The following STRBP variants were observed in gnomAD, a reference collection of about 807,000 sequenced individuals.
STRBP encodes spermatid perinuclear RNA binding protein.
Under a neutral mutation model 80.1 loss-of-function variants are expected in STRBP, and 13 were observed. The observed-to-expected ratio is 0.16, with a 90% CI of 0.11 to 0.26. STRBP has a LOEUF of 0.26. Among genes scored for constraint, STRBP ranks in the 10% least tolerant of loss-of-function variants. The pLI, the probability that STRBP is intolerant of heterozygous loss-of-function variation, is 1.00. For synonymous variants in STRBP, 284 were observed against 291.2 expected (o/e 0.98, Z 0.25); for missense variants, 485 against 815.2 (o/e 0.59, Z 4.93).
chr9:123,179,061 T>C lies in STRBP; in HGVS notation c.170A>G (p.Lys57Arg). The C allele has an allele frequency of 6.2e-7, 1 of 1,614,160 alleles. No homozygotes were observed. The highest frequency in any genetic ancestry group is 8.5e-7 in the Non-Finnish European group (1 of 1,180,020). Residue 57 changes from lysine (K) to arginine (R), a missense_variant, in exon 4 of 19, where the codon AAA becomes AGA. Lys to Arg is a conservative substitution (Grantham distance 26, BLOSUM62 2). Around this residue, in one of 3 missense-constraint regions of STRBP, gnomAD observed 377 missense variants for 616.1 expected, o/e 0.61. Coordinates refer to ENST00000348403, the MANE Select transcript of STRBP (RefSeq NM_018387.5). ...CTTCACTTCTGTCTCACCCTCTGTTTTTGTGCCTTTATTTGTTTCATCCAA... is the reference window on the plus strand; with the variant it reads ...CTTCACTTCTGTCTCACCCTCTGTTCTTGTGCCTTTATTTGTTTCATCCAA... ...DWLDETNKGTKTEGETEVKKD... is the reference protein window; with the variant it reads ...DWLDETNKGTRTEGETEVKKD...
rs995893376 is a variant in STRBP, at chr9:123,147,690, A to C, written c.1138+88T>G. 38 of 1,129,726 alleles carry C rather than the reference A, an allele frequency of 3.4e-5. No individual in the cohort carries two copies. In the South Asian group the frequency reaches 3.7e-4, roughly 11 times the overall value. The allele number at this position is 1,129,726 out of a possible 1,614,324, so 70.0% of individuals were successfully genotyped here. Reference sequence around the variant, plus strand: ...GAGAACCGATCTCAAAAAAAAAAAAAAAAAAAAAACCCTTCACTTTTAATT... The same window carrying C: ...GAGAACCGATCTCAAAAAAAAAAAACAAAAAAAAACCCTTCACTTTTAATT... On this transcript the variant is annotated intron_variant, in intron 12 of 18. Coordinates refer to ENST00000348403, the MANE Select transcript of STRBP (RefSeq NM_018387.5).
At chr9:123,166,494 G>A (rs1324611005) in intron 6 of STRBP, among the ~76,000 whole-genome samples, 1 of 152,110 alleles carries the variant, frequency 6.6e-6, no homozygotes, top group African/African-American at 2.4e-5. Flanking sequence ...AGGGGCACTG[G>A]CTCACACCTA....
At chr9:123,116,091 C>T (rs538582374) in exon 3 of STRBP, 17 of 456,172 alleles carry the variant, frequency 3.7e-5, no homozygotes, top group Middle Eastern at 3.3e-4. Context: ...ATTCCTTTAA[C>T]GTAGCCTCTG....
At chr9:123,190,590 G>A (rs986739706) in intron 2 of STRBP, among the ~76,000 whole-genome samples, 5 of 152,242 alleles carry the variant, frequency 3.3e-5, no homozygotes, top group Admixed American at 1.3e-4. Context: ...CTATAACGAT[G>A]GAAAAGCTCT....
intron 2 of STRBP, among the ~76,000 whole-genome samples, chr9:123,194,046 G>A (rs1453149911): frequency 6.6e-6 from 1 of 152,044 alleles, no homozygotes; most frequent in Non-Finnish European, 1.5e-5. Context: ...TGGGACCCTG[G>A]AATGCAAAAT....
chr9:123,159,302 A>G (rs2037423100), intron 8 of STRBP, 95 bp from the exon 9 acceptor site: 1 of 752,656 alleles, frequency 1.3e-6, no homozygotes, highest in African/African-American at 1.8e-5. Context: ...AAGGGAGGCC[A>G]AAGAGTGAAA....
In STRBP at chr9:123,124,181, C is replaced by T. The variant is rs1165358176; in HGVS notation, c.*1416G>A. 1.0e-6 allele frequency: 1 copy of T among 985,250 alleles called. No individual in the cohort carries two copies. Among genetic ancestry groups the T allele is most frequent in the Non-Finnish European group, 1.2e-6 (1 of 829,940 alleles). 61.0% of individuals were successfully genotyped at this position (985,250 alleles called of 1,614,324 possible). A position where few individuals can be genotyped will look rare whatever the true frequency, so the allele number is the denominator to read the frequency against. On this transcript the variant is annotated 3_prime_UTR_variant, in exon 19 of 19. Coordinates refer to ENST00000348403, the MANE Select transcript of STRBP (RefSeq NM_018387.5). ...TGTGAAGCCCATTCTCATGGATGGGCCCTGTCAAGTTCCCAAAAGCAGAAC... is the reference window on the plus strand; with the variant it reads ...TGTGAAGCCCATTCTCATGGATGGGTCCTGTCAAGTTCCCAAAAGCAGAAC...
chr9:123,183,360 C>T (rs2038567665), intron 3 of STRBP, among the ~76,000 whole-genome samples: 1 of 151,946 alleles, frequency 6.6e-6, no homozygotes, highest in Non-Finnish European at 1.5e-5. Flanking sequence ...TTGCTTGAAC[C>T]TGGGAGACGG....
downstream of STRBP, among the ~76,000 whole-genome samples, chr9:123,116,664 G>A (rs1397342297): frequency 6.6e-6 from 1 of 152,182 alleles, no homozygotes; most frequent in Non-Finnish European, 1.5e-5. Context: ...CAGGAAAGGT[G>A]AGCCGAACAC....
chr9:123,204,938 A>AAAAG (rs1242206357), intron 2 of STRBP, among the ~76,000 whole-genome samples: 3 of 149,542 alleles, frequency 2.0e-5, no homozygotes, highest in East Asian at 4.0e-4. Flanking sequence ...AAAAAAAAAA[A>AAAAG]AAAGAAAGAA....
exon 3 of STRBP, chr9:123,116,031 C>T (rs943684664): frequency 6.6e-6 from 3 of 456,142 alleles, no homozygotes; most frequent in African/African-American, 6.0e-5. Context: ...CCTGAGTTCC[C>T]CAGGTGCCAA....
At position 123,115,547 on chromosome 9, in the gene STRBP, C is replaced by T. The variant is rs1184757880; in HGVS notation, c.*84+382G>A. 8.3e-6 allele frequency: 3 copies of T among 361,378 alleles called. No homozygotes were observed. Among genetic ancestry groups the T allele is most frequent in the Non-Finnish European group, 1.7e-5 (3 of 178,478 alleles). 22.4% of individuals were successfully genotyped at this position (361,378 alleles called of 1,614,324 possible). A position where few individuals can be genotyped will look rare whatever the true frequency, so the allele number is the denominator to read the frequency against. ...ACCTTCTACTCAGTTGTCTAAGCTG[C>T]AGATTCTGACATTTTCTCCAACTGC... is the stretch of plus-strand genomic sequence containing the variant. On this transcript the variant is annotated intron_variant and NMD_transcript_variant, in intron 3 of 3. Transcript: ENST00000471564. This position sits in a 1 kb window ranked among gnomAD's most constrained non-coding sequence, Gnocchi z 5.0.
intron 2 of STRBP, among the ~76,000 whole-genome samples, chr9:123,211,690 G>A (rs2039714019): frequency 6.6e-6 from 1 of 151,978 alleles, no homozygotes; most frequent in African/African-American, 2.4e-5. Flanking sequence ...TTAAATTTAG[G>A]CCAAATCGGT....
chr9:123,140,431 T>G (rs1045294202), intron 13 of STRBP, among the ~76,000 whole-genome samples: 1 of 152,080 alleles, frequency 6.6e-6, no homozygotes, highest in Non-Finnish European at 1.5e-5. Context: ...CAGTCTCTAC[T>G]AAAGATACAA....
At chr9:123,207,282 A>C (rs2039551365) in intron 2 of STRBP, among the ~76,000 whole-genome samples, 1 of 152,200 alleles carries the variant, frequency 6.6e-6, no homozygotes, top group African/African-American at 2.4e-5. Flanking sequence ...AAATACTGGC[A>C]ATCTAAATGT....
intron 2 of STRBP, among the ~76,000 whole-genome samples, chr9:123,212,877 G>A (rs549239725): frequency 1.4e-4 from 21 of 152,166 alleles, no homozygotes; most frequent in Non-Finnish European, 2.9e-4. Flanking sequence ...CAGATAAAAG[G>A]GCCAGACTCA....
At chr9:123,112,082 C>G (rs982128369) in intron 3 of STRBP, 1 of 169,752 alleles carries the variant, frequency 5.9e-6, no homozygotes, top group African/African-American at 2.4e-5. Flanking sequence ...TCCCGCCTTT[C>G]CCCACACCTG....
At chr9:123,254,721 G>T (rs1345800822) in intron 1 of STRBP, among the ~76,000 whole-genome samples, 1 of 152,186 alleles carries the variant, frequency 6.6e-6, no homozygotes, top group African/African-American at 2.4e-5. Context: ...CACCTCCGGT[G>T]AGGTGAAAAA....
intron 13 of STRBP, among the ~76,000 whole-genome samples, chr9:123,142,897 A>G (rs1022704007): frequency 6.6e-6 from 1 of 152,228 alleles, no homozygotes; most frequent in African/African-American, 2.4e-5. Flanking sequence ...TAATACATCA[A>G]TTGAGCTTAA....
Sources: gnomAD v4.1 joint callset for allele counts (sites outside exome capture counted in the v4.1 genomes callset) on GRCh38, gnomAD v4.1.1 for gene constraint, gnomAD v4.1.1 regional missense constraint, Gnocchi (gnomAD v3.1) non-coding constraint, MANE v1.5 for transcripts, NCBI Gene and HGNC (gene_info 2026-07-23, HGNC 2026-07-21) for gene names.